CNGB1: variants seen among roughly 807,000 people sequenced by gnomAD.
CNGB1 encodes the protein cyclic nucleotide gated channel subunit beta 1.
A neutral mutation model predicts 151.7 loss-of-function variants in CNGB1; 126 were observed. That is an observed-to-expected ratio of 0.83 (90% CI 0.72 to 0.96). The LOEUF is 0.96. Among genes scored for constraint, CNGB1 ranks in the 40% least tolerant of loss-of-function variants. The pLI is 0.00. For missense variants in CNGB1, 1,698 were observed against 1,627.0 expected, an observed-to-expected ratio of 1.04 and a Z score of -0.75; for synonymous variants, 623 against 635.1, an observed-to-expected ratio of 0.98 and a Z score of 0.29.
chr16:57,902,888 C>A (rs115571521), intron 27 of CNGB1, among the ~76,000 whole-genome samples: 2,327 of 152,318 alleles, frequency 0.015, 50 homozygotes, highest in African/African-American at 0.048. Flanking sequence ...GCTGGGATTA[C>A]AGGCAAAACT....
intron 22 of CNGB1, 80 bp from the exon 23 acceptor site, chr16:57,915,415 C>T: frequency 9.0e-7 from 1 of 1,113,404 alleles, no homozygotes; most frequent in Non-Finnish European, 1.4e-6. Context: ...GGCGGAGTCT[C>T]TCCCTTCCAT....
intron 9 of CNGB1, 119 bp downstream of exon 9, chr16:57,960,363 C>T: frequency 1.5e-6 from 2 of 1,361,282 alleles, no homozygotes; most frequent in South Asian, 2.5e-5. Context: ...AGCCCTGAAC[C>T]CCGTCCTAGT....
Position 57,903,817 on chromosome 16 carries a change from C to G in CNGB1, c.2794+5G>C. ...CTGGTGGCTGCCAGGGCGTGACCAT[C>G]TTACCCAGCATGCCTTGCGAGTGCC... On this transcript the variant is annotated splice_donor_5th_base_variant and intron_variant, in intron 27 of 32. Transcript: ENST00000251102. The G allele has an allele frequency of 6.2e-7, 1 of 1,614,074 alleles. No homozygotes were observed. The highest frequency in any genetic ancestry group is 1.3e-5 in the African/African-American group (1 of 75,058).
intron 1 of CNGB1, among the ~76,000 whole-genome samples, chr16:57,969,106 G>C (rs1192171716): frequency 6.6e-6 from 1 of 152,102 alleles, no homozygotes; most frequent in Non-Finnish European, 1.5e-5. Flanking sequence ...AGGAGTTCGA[G>C]ATCAGCCTAG....
intron 20 of CNGB1, among the ~76,000 whole-genome samples, chr16:57,918,276 A>C (rs1960934875): frequency 6.6e-6 from 1 of 152,056 alleles, no homozygotes. Flanking sequence ...TACCCAGCCC[A>C]TCAGGTTATT....
chr16:57,895,269 A>G (rs565828853), intron 31 of CNGB1, among the ~76,000 whole-genome samples: 1 of 152,162 alleles, frequency 6.6e-6, no homozygotes, highest in East Asian at 1.9e-4. Context: ...AACATGGTGA[A>G]ACCCCATCTC....
At chr16:57,899,839 C>T (rs77236507) in intron 29 of CNGB1, among the ~76,000 whole-genome samples, 2,776 of 152,268 alleles carry the variant, frequency 0.018, 92 homozygotes, top group East Asian at 0.13. Flanking sequence ...AAGGGACCCT[C>T]ACCTCAGTAA....
chr16:57,936,873 G>T (rs1293959215), intron 16 of CNGB1, among the ~76,000 whole-genome samples: 1 of 152,146 alleles, frequency 6.6e-6, no homozygotes, highest in African/African-American at 2.4e-5. Context: ...TGCTAATTGT[G>T]GTGGAATTTT....
At chr16:57,951,181 C>T (rs1961940451) in intron 12 of CNGB1, among the ~76,000 whole-genome samples, 1 of 152,134 alleles carries the variant, frequency 6.6e-6, no homozygotes, top group Admixed American at 6.5e-5. Context: ...ACAAAAACAC[C>T]CTGGGCCTAT....
chr16:57,965,784 G>T (rs1261550071), intron 2 of CNGB1, among the ~76,000 whole-genome samples: 1 of 152,014 alleles, frequency 6.6e-6, no homozygotes, highest in Non-Finnish European at 1.5e-5. Flanking sequence ...TGGAACCACA[G>T]ACATACTAAT....
intron 10 of CNGB1, among the ~76,000 whole-genome samples, chr16:57,959,611 AACAAAC>A (rs1211155815): frequency 9.6e-6 from 1 of 103,752 alleles, no homozygotes; most frequent in African/African-American, 3.0e-5. Flanking sequence ...CAAAAAAACA[AACAAAC>A]AAACAAACAA....
At chr16:57,904,114 A>T in intron 26 of CNGB1, 133 bp from the exon 27 acceptor site, 2 of 735,452 alleles carry the variant, frequency 2.7e-6, no homozygotes, top group Non-Finnish European at 4.8e-6. Context: ...GGAGGGGGGT[A>T]GGCAGATGTC....
Position 57,959,945 on chromosome 16 carries a change from G to A in CNGB1, c.704C>T (p.Pro235Leu). Residue 235 changes from proline to leucine, a missense_variant, in exon 10 of 33, where the codon CCC becomes CTC. Pro to Leu is a moderately conservative substitution (Grantham distance 98). Coordinates refer to ENST00000251102, the MANE Select transcript of CNGB1 (RefSeq NM_001297.5). ...EEPKEAPAPE[P>L]QPGSQAQTSS... is the part of the protein sequence containing the mutation. ...GGTCTGGGCCTGGGAGCCGGGCTGGGGCTCTGGAGCTGGTGCCTCCTTGGG... is the reference window on the plus strand; with the variant it reads ...GGTCTGGGCCTGGGAGCCGGGCTGGAGCTCTGGAGCTGGTGCCTCCTTGGG... 1 of 1,587,946 alleles carries A rather than the reference G, an allele frequency of 6.3e-7. No homozygotes were observed. Among genetic ancestry groups the A allele is most frequent in the Non-Finnish European group, 8.6e-7 (1 of 1,165,518 alleles).
intron 12 of CNGB1, among the ~76,000 whole-genome samples, chr16:57,954,062 T>G (rs1962026750): frequency 6.6e-6 from 1 of 152,120 alleles, no homozygotes; most frequent in Non-Finnish European, 1.5e-5. Context: ...CTGAAGTCAC[T>G]CCCCTGCTCA....
At position 57,949,352 on chromosome 16, in the gene CNGB1, C is replaced by T. The variant is rs754146758; in HGVS notation, c.1121+1G>A. 3 of 1,610,124 alleles carry T rather than the reference C, an allele frequency of 1.9e-6. No homozygotes were observed. Among genetic ancestry groups the T allele is most frequent in the Non-Finnish European group, 2.5e-6 (3 of 1,179,996 alleles). ...CCCAGACAGGTGAGCAAATGACTTACTCAGTCACCTCCTCCTCTTCCTCCT... is the reference window on the plus strand; with the variant it reads ...CCCAGACAGGTGAGCAAATGACTTATTCAGTCACCTCCTCCTCTTCCTCCT... On this transcript the variant is annotated splice_donor_variant, in intron 14 of 32. Coordinates refer to ENST00000251102, the MANE Select transcript of CNGB1 (RefSeq NM_001297.5). LOFTEE classifies it high-confidence loss of function.
intron 31 of CNGB1, among the ~76,000 whole-genome samples, chr16:57,888,573 A>G (rs1304520199): frequency 2.0e-5 from 3 of 151,972 alleles, no homozygotes; most frequent in African/African-American, 7.3e-5. Flanking sequence ...GGCTCAAGCA[A>G]TCCTCCCACC....
At position 57,912,829 on chromosome 16, in the gene CNGB1, TGTTG is replaced by T; in HGVS notation, c.2369+97_2369+100del. 5 of 1,177,058 alleles carry T rather than the reference TGTTG, an allele frequency of 4.2e-6. No individual in the cohort carries two copies. In the Admixed American group the frequency reaches 8.7e-5, roughly 21 times the overall value. The allele number at this position is 1,177,058 out of a possible 1,614,324, so 72.9% of individuals were successfully genotyped here. The stretch of plus-strand genomic sequence containing the variant: ...GTGTGTGTTGTGTGTGTCGTGTGTG[TGTTG>T]TGTGTGTGTCATCTGTGTTGTGTGT... On this transcript the variant is annotated intron_variant, in intron 24 of 32. Transcript: ENST00000251102.
At position 57,936,795 on chromosome 16, in the gene CNGB1, C is replaced by CAA. The variant is rs1181991556; in HGVS notation, c.1372+2633_1372+2634dup. 2.5e-3 allele frequency among the ~76,000 whole-genome samples: 247 copies of CAA among 99,074 alleles called. 2 individuals are homozygous for CAA. Among genetic ancestry groups the CAA allele is most frequent in the African/African-American group, 0.015 (236 of 15,274 alleles). The allele number at this position is 99,074 out of a possible 152,430, so 65.0% of individuals were successfully genotyped here. ...GAGAGACTCTGTCTCAAAAAACAAACAAACAAAAAAAAAACAAAAGAAAAG... is the reference window on the plus strand; with the variant it reads ...GAGAGACTCTGTCTCAAAAAACAAACAAAAACAAAAAAAAAACAAAAGAAAAG... On this transcript the variant is annotated intron_variant, in intron 16 of 32. Coordinates refer to ENST00000251102, the MANE Select transcript of CNGB1 (RefSeq NM_001297.5).
At chr16:57,967,610 C>T (rs571344184) in intron 1 of CNGB1, among the ~76,000 whole-genome samples, 1 of 152,024 alleles carries the variant, frequency 6.6e-6, no homozygotes, top group Non-Finnish European at 1.5e-5. Context: ...GTGGGAGGAT[C>T]GTTTGAGCCT....
Sources: allele counts gnomAD v4.1 joint callset (sites outside exome capture counted in the v4.1 genomes callset), GRCh38; gene constraint gnomAD v4.1.1; transcripts MANE v1.5; gene names NCBI Gene and HGNC (gene_info 2026-07-23, HGNC 2026-07-21).